The following FBXO25 variants were observed in gnomAD, a reference collection of about 807,000 sequenced individuals.
FBXO25 encodes F-box only protein 25.
In FBXO25, 45 loss-of-function variants were observed where a neutral mutation model predicts 51.9. The ratio of observed to expected loss-of-function variants is 0.87; its 90% CI spans 0.68 to 1.11. The LOEUF (loss-of-function observed/expected upper bound fraction) is 1.11, where lower values mean the gene tolerates loss of function less well. FBXO25 is among the 50% of genes most tolerant of loss of function. The probability of loss-of-function intolerance (pLI) is 0.00; values close to 1 mark genes in which losing one functional copy is unlikely to be tolerated. For synonymous variants in FBXO25, 199 were observed against 151.0 expected (o/e 1.32, Z -2.33); for missense variants, 507 against 428.5 (o/e 1.18, Z -1.62).
chr8:427,536 G>A (rs1379065811), intron 2 of FBXO25, among the ~76,000 whole-genome samples: 4 of 150,832 alleles, frequency 2.7e-5, no homozygotes, highest in Non-Finnish European at 5.9e-5. Flanking sequence ...CATTTTCTGG[G>A]ATTCCATAAC....
chr8:433,313 A>G (rs1328832797), intron 4 of FBXO25, among the ~76,000 whole-genome samples: 1 of 152,078 alleles, frequency 6.6e-6, no homozygotes, highest in Non-Finnish European at 1.5e-5. Flanking sequence ...GTTCCTGCCT[A>G]CCTGTACATA....
At chr8:467,820 A>T (rs1457143134) in intron 9 of FBXO25, 2 of 1,602,956 alleles carry the variant, frequency 1.2e-6, no homozygotes, top group Non-Finnish European at 1.7e-6. Context: ...CATGCACGTC[A>T]TCTTGGCCAC....
intron 2 of FBXO25, among the ~76,000 whole-genome samples, chr8:415,930 A>G (rs189789893): frequency 3.5e-4 from 53 of 152,296 alleles, no homozygotes; most frequent in Middle Eastern, 3.4e-3. Context: ...TTTCAGTATA[A>G]CTATAGGCGC....
chr8:420,526 A>G (rs1052291546), intron 2 of FBXO25: 3 of 152,222 alleles, frequency 2.0e-5, no homozygotes, highest in African/African-American at 4.8e-5. Flanking sequence ...CCAACACTCA[A>G]AATCAGATAT....
chr8:425,205 G>T, intron 2 of FBXO25, among the ~76,000 whole-genome samples: 1 of 150,244 alleles, frequency 6.7e-6, no homozygotes, highest in East Asian at 2.0e-4. Context: ...AAACTCTTAT[G>T]GTAACCATTT....
At chr8:468,598 CCT>C (rs756638889) in intron 9 of FBXO25, 115 bp from the exon 10 acceptor site, 14 of 721,564 alleles carry the variant, frequency 1.9e-5, no homozygotes, top group Admixed American at 7.3e-5. Context: ...CTCCCATGTA[CCT>C]CTGAGGTGGG....
intron 5 of FBXO25, among the ~76,000 whole-genome samples, chr8:445,914 C>A (rs1375300119): frequency 6.6e-6 from 1 of 152,180 alleles, no homozygotes; most frequent in Non-Finnish European, 1.5e-5. Context: ...ATGTCTCACA[C>A]CTTGGCACCC....
At chr8:464,018 T>C (rs1799989126) in intron 9 of FBXO25, among the ~76,000 whole-genome samples, 1 of 152,174 alleles carries the variant, frequency 6.6e-6, no homozygotes, top group African/African-American at 2.4e-5. Context: ...CAGGCAGTTA[T>C]GGGTGCAGTG....
chr8:457,888 C>T (rs1370238755), intron 7 of FBXO25, among the ~76,000 whole-genome samples: 2 of 152,352 alleles, frequency 1.3e-5, no homozygotes, highest in East Asian at 1.9e-4. Flanking sequence ...TCCCTCATCA[C>T]TGGGGTGACC....
chr8:452,773 C>G (rs983748862), intron 7 of FBXO25, among the ~76,000 whole-genome samples: 1 of 152,144 alleles, frequency 6.6e-6, no homozygotes, highest in African/African-American at 2.4e-5. Context: ...GAGATGTGCA[C>G]CGGTGGAGAC....
rs1800633483 is a variant in FBXO25, at chr8:476,100, T to A, written c.*7296T>A. On this transcript the variant is annotated 3_prime_UTR_variant, in exon 10 of 10. Coordinates refer to ENST00000350302, the MANE Select transcript of FBXO25 (RefSeq NM_183420.2). ...TGAAAGGGCATGACATTGTCTCAAA[T>A]GCTTTTTCTCCATCAATGGAGATCA... 6.6e-6 allele frequency: 1 copy of A among 152,188 alleles called. No homozygotes were observed. The highest frequency in any genetic ancestry group is 2.4e-5 in the African/African-American group (1 of 41,446). 9.4% of individuals were successfully genotyped at this position (152,188 alleles called of 1,614,324 possible). A position where few individuals can be genotyped will look rare whatever the true frequency, so the allele number is the denominator to read the frequency against.
Position 437,343 on chromosome 8 carries a change from C to T in FBXO25, c.381+1636C>T, listed in dbSNP as rs563550908. Among the ~76,000 whole-genome samples the T allele has an allele frequency of 5.3e-5, 8 of 152,332 alleles. No homozygotes were observed. In the South Asian group the frequency reaches 1.2e-3, roughly 24 times the overall value. On this transcript the variant is annotated intron_variant, in intron 5 of 9. Transcript: ENST00000350302. The stretch of plus-strand genomic sequence containing the variant: ...ACCTCTCAGATGTGGAGCGAGGGAA[C>T]TGGTGAGCTCAGGAAGCAAAAGGGC...
chr8:422,225 C>T (rs1797200301), intron 2 of FBXO25, among the ~76,000 whole-genome samples: 1 of 152,220 alleles, frequency 6.6e-6, no homozygotes, highest in Non-Finnish European at 1.5e-5. Flanking sequence ...ACTGCCCCAA[C>T]CAAGAACTCA....
intron 5 of FBXO25, among the ~76,000 whole-genome samples, chr8:440,937 A>G (rs1339356676): frequency 1.2e-4 from 17 of 145,810 alleles, no homozygotes; most frequent in Admixed American, 6.9e-4. Context: ...TTATGACTGC[A>G]TAGTATTCCA....
Position 451,256 on chromosome 8 carries a change from T to G in FBXO25, c.476-13T>G, listed in dbSNP as rs752239783. On this transcript the variant is annotated splice_polypyrimidine_tract_variant and intron_variant, in intron 6 of 9. Transcript: ENST00000350302. ...ACTGTATCAATCCATAGTTTTATTT[T>G]TATTTATTCCAGTTCTTGATGACCA... The G allele has an allele frequency of 1.8e-5, 28 of 1,581,354 alleles. No homozygotes were observed. Among genetic ancestry groups the G allele is most frequent in the Non-Finnish European group, 2.4e-5 (28 of 1,168,762 alleles).
intron 1 of FBXO25, among the ~76,000 whole-genome samples, chr8:409,780 T>C (rs1350179989): frequency 1.3e-5 from 2 of 152,150 alleles, no homozygotes; most frequent in African/African-American, 4.8e-5. Flanking sequence ...TGATCTATCC[T>C]ACAAGCCCTA....
In FBXO25 at chr8:477,731, T is replaced by G. The variant is rs546593222; in HGVS notation, c.*8927T>G. 3 of 152,458 alleles carry G rather than the reference T, an allele frequency of 2.0e-5. No homozygotes were observed. The South Asian group carries it at 6.2e-4, about 32-fold the overall frequency. The allele number at this position is 152,458 out of a possible 1,614,324, so 9.4% of individuals were successfully genotyped here. ...CACCAGGGGGCCACGCACCAGTGCA[T>G]GTGGCTGTGTTCCAAACTTTTTGGA... On this transcript the variant is annotated 3_prime_UTR_variant, in exon 10 of 10. Transcript: ENST00000350302.
intron 2 of FBXO25, among the ~76,000 whole-genome samples, chr8:426,081 C>T (rs1797457641): frequency 6.6e-6 from 1 of 152,154 alleles, no homozygotes; most frequent in Non-Finnish European, 1.5e-5. Flanking sequence ...ATTGTGCACG[C>T]TGTTAACCAT....
rs550667977 is a variant in FBXO25, at chr8:476,927, G to T, written c.*8123G>T. The T allele has an allele frequency of 6.6e-6, 1 of 152,114 alleles. No individual in the cohort carries two copies. Among genetic ancestry groups the T allele is most frequent in the Non-Finnish European group, 1.5e-5 (1 of 67,958 alleles). The allele number at this position is 152,114 out of a possible 1,614,324, so 9.4% of individuals were successfully genotyped here. On this transcript the variant is annotated 3_prime_UTR_variant, in exon 10 of 10. Transcript: ENST00000350302. ...TGAGATCTTAATTTGTTTAATAGGT[G>T]TATTTACAGTTACAAATTTCCCTCC... is the stretch of plus-strand genomic sequence containing the variant.
Sources: gnomAD v4.1 joint callset for allele counts (sites outside exome capture counted in the v4.1 genomes callset) on GRCh38, gnomAD v4.1.1 for gene constraint, MANE v1.5 for transcripts, NCBI Gene and HGNC (gene_info 2026-07-23, HGNC 2026-07-21) for gene names.